Variants in KLHL32 observed in about 807,000 individuals in gnomAD.
The protein encoded by KLHL32 is kelch like family member 32, also known as kelch-like protein 32.
In KLHL32, 35 loss-of-function variants were observed where a neutral mutation model predicts 64.8. The ratio of observed to expected loss-of-function variants is 0.54; its 90% CI spans 0.41 to 0.72. The LOEUF (loss-of-function observed/expected upper bound fraction) is 0.72. KLHL32 is among the 30% of genes least tolerant of loss of function. The pLI, the probability that KLHL32 is intolerant of heterozygous loss-of-function variation, is 0.00. For synonymous variants in KLHL32, 259 were observed against 281.0 expected, an observed-to-expected ratio of 0.92 and a Z score of 0.78; for missense variants, 589 against 768.5, an observed-to-expected ratio of 0.77 and a Z score of 2.76.
In KLHL32 at chr6:96,967,160, A is replaced by G. The variant is rs141968097; in HGVS notation, c.23+77A>G. ...TGCATTGCACGTTCTAGGATCAAGC[A>G]CAAAGCAGGGGCTTAATGCATATTT... On this transcript the variant is annotated intron_variant, in intron 2 of 10. Transcript: ENST00000369261. The G allele has an allele frequency of 2.9e-4, 385 of 1,333,396 alleles. 1 individual carries two copies. In the African/African-American group the frequency reaches 4.3e-3, roughly 15 times the overall value. 82.6% of individuals were successfully genotyped at this position (1,333,396 alleles called of 1,614,324 possible). A position where few individuals can be genotyped will look rare whatever the true frequency, so the allele number is the denominator to read the frequency against.
intron 4 of KLHL32, among the ~76,000 whole-genome samples, chr6:97,051,603 G>A (rs1219633773): frequency 6.6e-6 from 1 of 152,158 alleles, no homozygotes; most frequent in Non-Finnish European, 1.5e-5. Context: ...GCCATGGTGG[G>A]TAAACAGCAC....
chr6:97,090,548 G>T (rs531154594), intron 6 of KLHL32, among the ~76,000 whole-genome samples: 1 of 152,234 alleles, frequency 6.6e-6, no homozygotes, highest in African/African-American at 2.4e-5. Flanking sequence ...CTTTACAGTT[G>T]GAAAGTAGAA....
chr6:96,939,893 AAG>A (rs2127998513), intron 1 of KLHL32, among the ~76,000 whole-genome samples: 1 of 152,156 alleles, frequency 6.6e-6, no homozygotes, highest in East Asian at 1.9e-4. Context: ...AAGGTCATAG[AAG>A]TAGCTTAGCC....
At chr6:96,918,731 A>G in the KLHL32 span, among the ~76,000 whole-genome samples, 1 of 152,240 alleles carries the variant, frequency 6.6e-6, no homozygotes, top group Non-Finnish European at 1.5e-5. Context: ...GTTACTCATC[A>G]GTTTTTAAAA....
chr6:96,972,359 G>T (rs1265264747), intron 2 of KLHL32, among the ~76,000 whole-genome samples: 1 of 152,170 alleles, frequency 6.6e-6, no homozygotes, highest in Non-Finnish European at 1.5e-5. Flanking sequence ...GTGACCATGT[G>T]TGGTTAGTGT....
intron 2 of KLHL32, among the ~76,000 whole-genome samples, chr6:96,968,349 C>T (rs572857879): frequency 2.0e-5 from 3 of 151,760 alleles, no homozygotes; most frequent in African/African-American, 7.3e-5. Flanking sequence ...ATAGGGCAGC[C>T]CCCTACAGCA....
At chr6:96,996,894 G>C (rs1562227361) in intron 3 of KLHL32, among the ~76,000 whole-genome samples, 1 of 152,000 alleles carries the variant, frequency 6.6e-6, no homozygotes, top group Non-Finnish European at 1.5e-5. Flanking sequence ...TCACATTAGG[G>C]GCATGAAAAG....
chr6:96,990,575 T>C (rs1777736372), intron 3 of KLHL32, among the ~76,000 whole-genome samples: 3 of 152,114 alleles, frequency 2.0e-5, no homozygotes, highest in Admixed American at 6.6e-5. Flanking sequence ...AGCTCTGGGG[T>C]GAGCTCAGGC....
intron 3 of KLHL32, among the ~76,000 whole-genome samples, chr6:97,037,058 G>T (rs1784405071): frequency 6.6e-6 from 1 of 152,054 alleles, no homozygotes; most frequent in Non-Finnish European, 1.5e-5. Flanking sequence ...CATTATGAAT[G>T]TTAGCTTTTT....
intron 7 of KLHL32, among the ~76,000 whole-genome samples, chr6:97,118,679 G>A (rs1448682888): frequency 6.6e-6 from 1 of 151,386 alleles, no homozygotes; most frequent in East Asian, 1.9e-4. Flanking sequence ...GCATAGCAGA[G>A]GCTGAGTTGT....
intron 4 of KLHL32, among the ~76,000 whole-genome samples, chr6:97,051,748 A>T (rs1450582393): frequency 6.6e-6 from 1 of 152,112 alleles, no homozygotes; most frequent in Non-Finnish European, 1.5e-5. Context: ...AGGGAAGTTA[A>T]TCATTTATAT....
At chr6:96,911,803 AT>A in the KLHL32 span, among the ~76,000 whole-genome samples, 1 of 90,596 alleles carries the variant, frequency 1.1e-5, no homozygotes, top group African/African-American at 4.4e-5. Flanking sequence ...CTTTTTCCAT[AT>A]ATCTCCCTGC....
chr6:97,058,000 T>C (rs1788288192), intron 4 of KLHL32, among the ~76,000 whole-genome samples: 1 of 152,152 alleles, frequency 6.6e-6, no homozygotes. Flanking sequence ...AAAGACTATC[T>C]TTTATCCATT....
In KLHL32 at chr6:97,086,829, G is replaced by A. The variant is rs186836979; in HGVS notation, c.627+1488G>A. Among the ~76,000 whole-genome samples the A allele has an allele frequency of 4.6e-5, 7 of 152,284 alleles. No homozygotes were observed. In the East Asian group the frequency reaches 1.3e-3, roughly 29 times the overall value. On this transcript the variant is annotated intron_variant, in intron 6 of 10. Transcript: ENST00000369261. ...ATTTACTTTGGTCAATTCAAAATGG[G>A]AAGTAGTCAAATTTTCTTCACTTCC... is the stretch of plus-strand genomic sequence containing the variant.
At chr6:97,022,729 C>T (rs1782181172) in intron 3 of KLHL32, among the ~76,000 whole-genome samples, 1 of 152,168 alleles carries the variant, frequency 6.6e-6, no homozygotes, top group Non-Finnish European at 1.5e-5. Context: ...CTCAGCCTCC[C>T]AAAGTGCTGG....
intron 7 of KLHL32, among the ~76,000 whole-genome samples, chr6:97,117,956 C>T (rs1284539519): frequency 6.6e-6 from 1 of 152,046 alleles, no homozygotes; most frequent in East Asian, 1.9e-4. Context: ...ATATTTAGTG[C>T]TTTCTTGATT....
intron 4 of KLHL32, among the ~76,000 whole-genome samples, chr6:97,049,571 C>A (rs111786462): frequency 1.3e-5 from 2 of 148,922 alleles, no homozygotes; most frequent in African/African-American, 5.0e-5. Flanking sequence ...GAAAGCGAAA[C>A]CGTCGATAAC....
At chr6:96,980,744 C>T (rs1182624483) in intron 3 of KLHL32, among the ~76,000 whole-genome samples, 1 of 152,026 alleles carries the variant, frequency 6.6e-6, no homozygotes, top group Non-Finnish European at 1.5e-5. Context: ...TGTACCAGCT[C>T]TTTTTTATAT....
intron 1 of KLHL32, among the ~76,000 whole-genome samples, chr6:96,945,016 G>A (rs1006266622): frequency 6.6e-6 from 1 of 152,160 alleles, no homozygotes; most frequent in African/African-American, 2.4e-5. Context: ...GATGATTAAA[G>A]TGTATGAGTT....
Sources: allele counts gnomAD v4.1 joint callset (sites outside exome capture counted in the v4.1 genomes callset), GRCh38; gene constraint gnomAD v4.1.1; transcripts MANE v1.5; gene names NCBI Gene and HGNC (gene_info 2026-07-23, HGNC 2026-07-21).